The following ADISSP variants were observed in gnomAD, a reference collection of about 807,000 sequenced individuals.
ADISSP encodes adipose-secreted signaling protein.
At chr20:3,768,191 C>T in the ADISSP span, 1 of 152,468 alleles carries the variant, frequency 6.6e-6, no homozygotes, top group Non-Finnish European at 1.5e-5. Context: ...CCCTGGGCTT[C>T]CACGCCGGCT....
chr20:3,759,278 G>A, the ADISSP span, among the ~76,000 whole-genome samples: 4,853 of 152,276 alleles, frequency 0.032, 107 homozygotes, highest in Middle Eastern at 0.096. The surrounding 1 kb of genome is among the most constrained non-coding windows in gnomAD (Gnocchi z 4.6). Context: ...GCAGCAAGAA[G>A]AGAGAATCCA....
chr20:3,753,848 GCA>G, the ADISSP span: 1 of 598,900 alleles, frequency 1.7e-6, no homozygotes, highest in Non-Finnish European at 3.0e-6. Flanking sequence ...GGAGACTGAG[GCA>G]CACAGAGAGG....
At chr20:3,758,613 G>A in the ADISSP span, 6 of 1,613,844 alleles carry the variant, frequency 3.7e-6, no homozygotes, top group Non-Finnish European at 4.2e-6. This position sits in a 1 kb window ranked among gnomAD's most constrained non-coding sequence, Gnocchi z 5.5. Context: ...AAGTGGACGT[G>A]GCTGTGGGAT....
the ADISSP span, among the ~76,000 whole-genome samples, chr20:3,757,777 C>T: frequency 3.5e-4 from 53 of 152,170 alleles, no homozygotes; most frequent in African/African-American, 6.0e-4. Flanking sequence ...TACAGGCGTG[C>T]GCCACCACGC....
chr20:3,767,582 C>T, the ADISSP span: 1 of 153,244 alleles, frequency 6.5e-6, no homozygotes, highest in Non-Finnish European at 1.5e-5. Context: ...GCACTGACTG[C>T]TCAGGACAGG....
the ADISSP span, among the ~76,000 whole-genome samples, chr20:3,756,549 C>A: frequency 6.6e-6 from 1 of 152,226 alleles, no homozygotes; most frequent in Non-Finnish European, 1.5e-5. Context: ...TGGGGGCCAA[C>A]TGGGACTGGC....
At chr20:3,754,141 G>A in the ADISSP span, 2 of 1,612,260 alleles carry the variant, frequency 1.2e-6, no homozygotes, top group Non-Finnish European at 8.5e-7. Flanking sequence ...AGCAGCATGG[G>A]CGTGCCGTGG....
At chr20:3,757,810 G>A in the ADISSP span, among the ~76,000 whole-genome samples, 2,604 of 152,174 alleles carry the variant, frequency 0.017, 79 homozygotes, top group African/African-American at 0.058. Context: ...TGTATTTTTA[G>A]TAGAGACGGG....
At chr20:3,754,592 C>T in the ADISSP span, 116 of 1,490,478 alleles carry the variant, frequency 7.8e-5, no homozygotes, top group Middle Eastern at 1.2e-3. Flanking sequence ...ACTCACGGGC[C>T]CCTACCCACC....
the ADISSP span, chr20:3,755,282 A>T: frequency 1.7e-6 from 1 of 590,908 alleles, no homozygotes; most frequent in Non-Finnish European, 3.0e-6. Context: ...GAGCTCATGG[A>T]CTTCTGTTCA....
At chr20:3,760,209 G>A in the ADISSP span, 6 of 932,164 alleles carry the variant, frequency 6.4e-6, no homozygotes, top group South Asian at 5.8e-5. Context: ...GAGTGGGGAG[G>A]GCAGGGGTCA....
chr20:3,759,476 G>A, the ADISSP span, among the ~76,000 whole-genome samples: 1 of 152,092 alleles, frequency 6.6e-6, no homozygotes, highest in South Asian at 2.1e-4. The surrounding 1 kb of genome is among the most constrained non-coding windows in gnomAD (Gnocchi z 4.6). Context: ...TGTAGAGGCC[G>A]AGAGCACGGC....
chr20:3,753,602 A>C, the ADISSP span: 1 of 191,190 alleles, frequency 5.2e-6, no homozygotes, highest in Non-Finnish European at 1.1e-5. Flanking sequence ...GGGGCTGGGG[A>C]CTGCACCTCC....
chr20:3,754,382 G>A, the ADISSP span: 17 of 1,603,202 alleles, frequency 1.1e-5, no homozygotes, highest in Non-Finnish European at 1.4e-5. Flanking sequence ...CCAACCAGGA[G>A]CCTCACGCTC....
the ADISSP span, chr20:3,754,188 G>A: frequency 1.9e-6 from 3 of 1,586,670 alleles, no homozygotes; most frequent in South Asian, 2.2e-5. Context: ...TCAGTGCCAT[G>A]CTGGCCCCCG....
At chr20:3,754,710 C>G in the ADISSP span, among the ~76,000 whole-genome samples, 1 of 152,204 alleles carries the variant, frequency 6.6e-6, no homozygotes, top group South Asian at 2.1e-4. Context: ...TCTCAAAAAC[C>G]CATTCTTCAG....
the ADISSP span, among the ~76,000 whole-genome samples, chr20:3,766,139 C>T: frequency 6.6e-6 from 1 of 152,232 alleles, no homozygotes; most frequent in Admixed American, 6.5e-5. Flanking sequence ...GCCTGGGGCT[C>T]AGTCCTGGCT....
At chr20:3,756,819 C>T in the ADISSP span, among the ~76,000 whole-genome samples, 1 of 152,154 alleles carries the variant, frequency 6.6e-6, no homozygotes, top group African/African-American at 2.4e-5. Context: ...CACCCAGGAA[C>T]AGGGAGCCAG....
the ADISSP span, among the ~76,000 whole-genome samples, chr20:3,764,467 T>G: frequency 1.3e-5 from 2 of 152,136 alleles, no homozygotes; most frequent in Admixed American, 1.3e-4. Context: ...GGTCATCCCT[T>G]CAGCCAGGAA....
Sources: gnomAD v4.1 joint callset for allele counts (sites outside exome capture counted in the v4.1 genomes callset) on GRCh38, gnomAD v4.1.1 for gene constraint, Gnocchi (gnomAD v3.1) non-coding constraint, MANE v1.5 for transcripts, NCBI Gene and HGNC (gene_info 2026-07-23, HGNC 2026-07-21) for gene names.